Variants in PCDHB9 observed in about 807,000 individuals in gnomAD.
PCDHB9 encodes the protein protocadherin beta-9.
For missense variants in PCDHB9, 1,072 were observed against 995.1 expected (o/e 1.08, Z -1.04); for synonymous variants, 501 against 439.7 (o/e 1.14, Z -1.75).
Position 141,187,739 on chromosome 5 carries a change from A to G in PCDHB9, c.421A>G (p.Lys141Glu). The change falls in exon 1 of 1, where the codon AAA becomes GAA. Residue 141 changes from lysine to glutamate, a missense_variant. Lys to Glu is a moderately conservative substitution (Grantham distance 56). Coordinates refer to ENST00000316105, the MANE Select transcript of PCDHB9 (RefSeq NM_019119.5). Reference sequence around the variant, plus strand: ...GTTTCGGCACAAAGAGATGGTCTTAAAAATATCAGAAAATACAGCTGAAGG... The same window carrying G: ...GTTTCGGCACAAAGAGATGGTCTTAGAAATATCAGAAAATACAGCTGAAGG... ...PVFRHKEMVL[K>E]ISENTAEGTA... 1 of 1,614,204 alleles carries G rather than the reference A, an allele frequency of 6.2e-7. No homozygotes were observed. Among genetic ancestry groups the G allele is most frequent in the Non-Finnish European group, 8.5e-7 (1 of 1,180,038 alleles).
Position 141,188,842 on chromosome 5 carries a change from G to A in PCDHB9, c.1524G>A (p.Ala508=), listed in dbSNP as rs782814595. Residue 508 remains alanine, a synonymous_variant, in exon 1 of 1, where the codon GCG becomes GCA. Coordinates refer to ENST00000316105, the MANE Select transcript of PCDHB9 (RefSeq NM_019119.5). ...TCGCCTCCCTGGTCTCCATCAACGC[G>A]GACAATGGCCACCTGTTTGCCCTCA... ...LPLASLVSIN[A]DNGHLFALRS... 8 of 1,612,764 alleles carry A rather than the reference G, an allele frequency of 5.0e-6. No individual in the cohort carries two copies. The highest frequency in any genetic ancestry group is 6.8e-6 in the Non-Finnish European group (8 of 1,179,984).
In PCDHB9 at chr5:141,188,045, G is replaced by T. The variant is rs1554282902; in HGVS notation, c.727G>T (p.Ala243Ser). 1.9e-6 allele frequency: 3 copies of T among 1,614,030 alleles called. No individual in the cohort carries two copies. The highest frequency in any genetic ancestry group is 2.2e-5 in the South Asian group (2 of 91,062). Residue 243 changes from alanine to serine, a missense_variant, in exon 1 of 1, where the codon GCC becomes TCC. Coordinates refer to ENST00000316105, the MANE Select transcript of PCDHB9 (RefSeq NM_019119.5). Reference protein sequence around the residue: ...LDVNDNVPQFAQALYETQAPE... With the variant: ...LDVNDNVPQFSQALYETQAPE... ...TGTCAATGACAATGTCCCACAGTTT[G>T]CCCAGGCTCTGTATGAGACCCAGGC...
chr5:141,189,847 C>G lies in PCDHB9; in HGVS notation c.*135C>G. On this transcript the variant is annotated 3_prime_UTR_variant, in exon 1 of 1. Coordinates refer to ENST00000316105, the MANE Select transcript of PCDHB9 (RefSeq NM_019119.5). ...CAACTTTGCGTATTATGCTTAACTT[C>G]ACAAGTTAACTTTTTCTTATTTTGT... is the stretch of plus-strand genomic sequence containing the variant. The G allele has an allele frequency of 1.5e-6, 1 of 680,434 alleles. No homozygotes were observed. The highest frequency in any genetic ancestry group is 2.3e-6 in the Non-Finnish European group (1 of 431,502). 42.1% of individuals were successfully genotyped at this position (680,434 alleles called of 1,614,324 possible). A position where few individuals can be genotyped will look rare whatever the true frequency, so the allele number is the denominator to read the frequency against.
At position 141,188,860 on chromosome 5, in the gene PCDHB9, T is replaced by C. The variant is rs17844528; in HGVS notation, c.1542T>C (p.Phe514=). The change falls in exon 1 of 1, where the codon TTT becomes TTC. Residue 514 remains phenylalanine (F), a synonymous_variant. Coordinates refer to ENST00000316105, the MANE Select transcript of PCDHB9 (RefSeq NM_019119.5). ...TCAACGCGGACAATGGCCACCTGTT[T>C]GCCCTCAGGTCGCTGGACTACGAGG... ...VSINADNGHL[F]ALRSLDYEAL... is the part of the protein sequence containing the mutation. 3.6e-4 allele frequency: 579 copies of C among 1,612,798 alleles called. 3 individuals are homozygous for C. The African/African-American group carries it at 4.5e-3, about 12-fold the overall frequency.
At position 141,188,155 on chromosome 5, in the gene PCDHB9, T is replaced by C. The variant is rs782029865; in HGVS notation, c.837T>C (p.Tyr279=). The C allele has an allele frequency of 2.5e-6, 4 of 1,611,122 alleles. No homozygotes were observed. The highest frequency in any genetic ancestry group is 3.4e-6 in the Non-Finnish European group (4 of 1,178,238). Residue 279 remains tyrosine, a synonymous_variant, in exon 1 of 1, where the codon TAT becomes TAC. Coordinates refer to ENST00000316105, the MANE Select transcript of PCDHB9 (RefSeq NM_019119.5). Reference sequence around the variant, plus strand: ...CAGGAGTCAATGCAGAAGTATCCTATTCATTTTTTGATGCTTCTGAAGATA... The same window carrying C: ...CAGGAGTCAATGCAGAAGTATCCTACTCATTTTTTGATGCTTCTGAAGATA... ...ADSGVNAEVS[Y]SFFDASEDIL...
chr5:141,187,668 A>C lies in PCDHB9; in HGVS notation c.350A>C (p.Tyr117Ser), dbSNP rs193259137. ...TTAATGGATGATCCCTTTCAGATTTACCGGGCTGAGCTGAGAGTCAGGGAT... is the reference window on the plus strand; with the variant it reads ...TTAATGGATGATCCCTTTCAGATTTCCCGGGCTGAGCTGAGAGTCAGGGAT... Reference protein sequence around the residue: ...QILMDDPFQIYRAELRVRDIN... With the variant: ...QILMDDPFQISRAELRVRDIN... The change falls in exon 1 of 1, where the codon TAC (tyrosine) becomes TCC (serine). Residue 117 changes from tyrosine (Y) to serine (S), a missense_variant. Tyr to Ser is a moderately radical substitution (Grantham distance 144). Transcript: ENST00000316105. 4.4e-3 allele frequency: 7,120 copies of C among 1,614,060 alleles called. 41 individuals carry two copies. The highest frequency in any genetic ancestry group is 5.5e-3 in the South Asian group (504 of 91,064).
Position 141,188,546 on chromosome 5 carries a change from G to T in PCDHB9, c.1228G>T (p.Asp410Tyr), listed in dbSNP as rs377283406. The T allele has an allele frequency of 3.7e-6, 6 of 1,614,172 alleles. No homozygotes were observed. Among genetic ancestry groups the T allele is most frequent in the Non-Finnish European group, 5.1e-6 (6 of 1,180,032 alleles). ...CATCCTAATGACTGAAGGTGCACTG[G>T]ACAGAGAGAGCAAAGCTGAGTACAA... The part of the protein sequence containing the change: ...FYILMTEGAL[D>Y]RESKAEYNIT... The change falls in exon 1 of 1, where the codon GAC becomes TAC. Residue 410 changes from aspartate to tyrosine, a missense_variant. Physicochemically the swap from Asp to Tyr is radical, Grantham distance 160 (BLOSUM62 -3). Transcript: ENST00000316105.
chr5:141,191,047 G>A lies in PCDHB9; in HGVS notation c.*1335G>A, dbSNP rs1301868231. On this transcript the variant is annotated 3_prime_UTR_variant, in exon 1 of 1. Coordinates refer to ENST00000316105, the MANE Select transcript of PCDHB9 (RefSeq NM_019119.5). ...AGGCGGGCAGATCACCTTAGGTCAC[G>A]AGTTTGAGACCAGCCTGACCAACGT... is the stretch of plus-strand genomic sequence containing the variant. The A allele has an allele frequency of 6.6e-6, 1 of 152,072 alleles. No homozygotes were observed. The highest frequency in any genetic ancestry group is 1.5e-5 in the Non-Finnish European group (1 of 68,044). 9.4% of individuals were successfully genotyped at this position (152,072 alleles called of 1,614,324 possible). A position where few individuals can be genotyped will look rare whatever the true frequency, so the allele number is the denominator to read the frequency against.
chr5:141,188,675 C>G lies in PCDHB9; in HGVS notation c.1357C>G (p.Gln453Glu), dbSNP rs1358391788. 3 of 1,613,992 alleles carry G rather than the reference C, an allele frequency of 1.9e-6. No individual in the cohort carries two copies. Among genetic ancestry groups the G allele is most frequent in the Non-Finnish European group, 2.5e-6 (3 of 1,180,040 alleles). Residue 453 changes from glutamine to glutamate, a missense_variant, in exon 1 of 1, where the codon CAA (glutamine) becomes GAA (glutamate). Gln to Glu is a conservative substitution (Grantham distance 29, BLOSUM62 2). Transcript: ENST00000316105. Reference sequence around the variant, plus strand: ...CAATGACAACGCCCCCGCCTTCACCCAAACCTCCTACACCCTGTTCGTCCG... The same window carrying G: ...CAATGACAACGCCCCCGCCTTCACCGAAACCTCCTACACCCTGTTCGTCCG... ...DVNDNAPAFT[Q>E]TSYTLFVREN... is the part of the protein sequence containing the mutation.
Position 141,189,824 on chromosome 5 carries a change from A to G in PCDHB9, c.*112A>G, listed in dbSNP as rs1554283462. Reference sequence around the variant, plus strand: ...CTATTTTTTGTTTGATTCATCTTCAACTTTGCGTATTATGCTTAACTTCAC... The same window carrying G: ...CTATTTTTTGTTTGATTCATCTTCAGCTTTGCGTATTATGCTTAACTTCAC... On this transcript the variant is annotated 3_prime_UTR_variant, in exon 1 of 1. Transcript: ENST00000316105. The G allele has an allele frequency of 2.6e-5, 24 of 929,200 alleles. 1 individual carries two copies. In the South Asian group the frequency reaches 4.3e-4, roughly 17 times the overall value. 57.6% of individuals were successfully genotyped at this position (929,200 alleles called of 1,614,324 possible).
rs369914377 is a variant in PCDHB9 at position 141,188,696 on chromosome 5, G to C, written c.1378G>C (p.Val460Leu). 1.7e-4 allele frequency: 279 copies of C among 1,613,926 alleles called. No homozygotes were observed. The highest frequency in any genetic ancestry group is 5.2e-4 in the Admixed American group (31 of 60,008). Reference protein sequence around the residue: ...AFTQTSYTLFVRENNSPALHI... With the variant: ...AFTQTSYTLFLRENNSPALHI... Reference sequence around the variant, plus strand: ...CACCCAAACCTCCTACACCCTGTTCGTCCGGGAGAACAACAGCCCCGCCCT... The same window carrying C: ...CACCCAAACCTCCTACACCCTGTTCCTCCGGGAGAACAACAGCCCCGCCCT... Residue 460 changes from valine to leucine, a missense_variant, in exon 1 of 1, where the codon GTC becomes CTC. Coordinates refer to ENST00000316105, the MANE Select transcript of PCDHB9 (RefSeq NM_019119.5).
rs1554282842 is a variant in PCDHB9 at position 141,187,760 on chromosome 5, G to A, written c.442G>A (p.Glu148Lys). The A allele has an allele frequency of 1.2e-6, 2 of 1,614,038 alleles. No individual in the cohort carries two copies. Among genetic ancestry groups the A allele is most frequent in the Non-Finnish European group, 8.5e-7 (1 of 1,180,034 alleles). The change falls in exon 1 of 1, where the codon GAA (glutamate) becomes AAA (lysine). Residue 148 changes from glutamate to lysine, a missense_variant. By Grantham distance (56) the Glu-to-Lys change is moderately conservative. Transcript: ENST00000316105. ...CTTAAAAATATCAGAAAATACAGCT[G>A]AAGGGACAGCATTTAGACTAGAAAG... ...MVLKISENTA[E>K]GTAFRLERAQ...
chr5:141,187,259 G>A lies in PCDHB9; in HGVS notation c.-60G>A, dbSNP rs554079268. The stretch of plus-strand genomic sequence containing the variant: ...CTCTGGTACACATAAGTCTGGGTTT[G>A]CGATTGCTATTTGTGCTGGGGCAGT... On this transcript the variant is annotated 5_prime_UTR_variant, in exon 1 of 1. Coordinates refer to ENST00000316105, the MANE Select transcript of PCDHB9 (RefSeq NM_019119.5). 6.6e-7 allele frequency: 1 copy of A among 1,524,148 alleles called. No homozygotes were observed. The highest frequency in any genetic ancestry group is 1.4e-5 in the African/African-American group (1 of 72,154). The allele number at this position is 1,524,148 out of a possible 1,614,324, so 94.4% of individuals were successfully genotyped here.
chr5:141,187,708 G>T lies in PCDHB9; in HGVS notation c.390G>T (p.Ser130=), dbSNP rs376526889. The T allele has an allele frequency of 1.2e-5, 19 of 1,613,944 alleles. No individual in the cohort carries two copies. The highest frequency in any genetic ancestry group is 2.7e-5 in the African/African-American group (2 of 74,880). ...ELRVRDINDH[S]PVFRHKEMVL... The stretch of plus-strand genomic sequence containing the variant: ...GAGTCAGGGATATAAATGATCACTC[G>T]CCAGTGTTTCGGCACAAAGAGATGG... The change falls in exon 1 of 1, where the codon TCG becomes TCT. Residue 130 remains serine (S), a synonymous_variant. Coordinates refer to ENST00000316105, the MANE Select transcript of PCDHB9 (RefSeq NM_019119.5).
rs138983173 is a variant in PCDHB9 at position 141,188,204 on chromosome 5, C to T, written c.886C>T (p.Pro296Ser). The T allele has an allele frequency of 5.6e-5, 90 of 1,612,294 alleles. No homozygotes were observed. The highest frequency in any genetic ancestry group is 3.8e-4 in the East Asian group (17 of 44,870). ...TATTTTAACAACGTTTCAAATCAAT[C>T]CTTTTTCTGGGGAAATCTTTCTCAG... ...EDILTTFQIN[P>S]FSGEIFLREL... Residue 296 changes from proline to serine, a missense_variant, in exon 1 of 1, where the codon CCT becomes TCT. Coordinates refer to ENST00000316105, the MANE Select transcript of PCDHB9 (RefSeq NM_019119.5).
In PCDHB9 at chr5:141,189,107, G is replaced by A. The variant is rs17844534; in HGVS notation, c.1789G>A (p.Gly597Ser). The A allele has an allele frequency of 5.7e-3, 9,052 of 1,602,026 alleles. 209 individuals are homozygous for A. The highest frequency in any genetic ancestry group is 0.056 in the East Asian group (2,518 of 44,800). ...TKVVAVDGDS[G>S]QNAWLSYQLL... is the part of the protein sequence containing the mutation. Reference sequence around the variant, plus strand: ...GGTGGTGGCGGTGGACGGCGACTCGGGCCAGAACGCCTGGCTGTCGTACCA... The same window carrying A: ...GGTGGTGGCGGTGGACGGCGACTCGAGCCAGAACGCCTGGCTGTCGTACCA... Residue 597 changes from glycine (G) to serine (S), a missense_variant, in exon 1 of 1, where the codon GGC becomes AGC. By Grantham distance (56) the Gly-to-Ser change is moderately conservative (BLOSUM62 0). Coordinates refer to ENST00000316105, the MANE Select transcript of PCDHB9 (RefSeq NM_019119.5).
Position 141,187,683 on chromosome 5 carries a change from G to C in PCDHB9, c.365G>C (p.Arg122Thr). Reference sequence around the variant, plus strand: ...TTTCAGATTTACCGGGCTGAGCTGAGAGTCAGGGATATAAATGATCACTCG... The same window carrying C: ...TTTCAGATTTACCGGGCTGAGCTGACAGTCAGGGATATAAATGATCACTCG... ...DPFQIYRAEL[R>T]VRDINDHSPV... Residue 122 changes from arginine to threonine, a missense_variant, in exon 1 of 1, where the codon AGA becomes ACA. Transcript: ENST00000316105. The C allele has an allele frequency of 6.2e-7, 1 of 1,614,042 alleles. No homozygotes were observed. Among genetic ancestry groups the C allele is most frequent in the Non-Finnish European group, 8.5e-7 (1 of 1,180,022 alleles).
chr5:141,187,896 A>G lies in PCDHB9; in HGVS notation c.578A>G (p.Glu193Gly). 6.2e-7 allele frequency: 1 copy of G among 1,614,186 alleles called. No homozygotes were observed. Among genetic ancestry groups the G allele is most frequent in the Non-Finnish European group, 8.5e-7 (1 of 1,180,032 alleles). ...AGTGATGAAGGCATGATATATCCAG[A>G]GCTAGTGTTGGACAAAGCACTGGAT... is the stretch of plus-strand genomic sequence containing the variant. ...SGSDEGMIYPELVLDKALDRE... is the reference protein window; with the variant it reads ...SGSDEGMIYPGLVLDKALDRE... Residue 193 changes from glutamate to glycine, a missense_variant, in exon 1 of 1, where the codon GAG becomes GGG. Coordinates refer to ENST00000316105, the MANE Select transcript of PCDHB9 (RefSeq NM_019119.5).
At position 141,188,848 on chromosome 5, in the gene PCDHB9, T is replaced by A. The variant is rs199746910; in HGVS notation, c.1530T>A (p.Asn510Lys). Residue 510 changes from asparagine to lysine, a missense_variant, in exon 1 of 1, where the codon AAT becomes AAA. By Grantham distance (94) the Asn-to-Lys change is moderately conservative. Coordinates refer to ENST00000316105, the MANE Select transcript of PCDHB9 (RefSeq NM_019119.5). ...LASLVSINAD[N>K]GHLFALRSLD... ...CCCTGGTCTCCATCAACGCGGACAA[T>A]GGCCACCTGTTTGCCCTCAGGTCGC... 1 of 1,612,864 alleles carries A rather than the reference T, an allele frequency of 6.2e-7. No homozygotes were observed. The highest frequency in any genetic ancestry group is 8.5e-7 in the Non-Finnish European group (1 of 1,179,970).
Sources: gnomAD v4.1 joint callset for allele counts on GRCh38, gnomAD v4.1.1 for gene constraint, MANE v1.5 for transcripts, NCBI Gene and HGNC (gene_info 2026-07-23, HGNC 2026-07-21) for gene names.